The following UNC5A variants were observed in gnomAD, a reference collection of about 807,000 sequenced individuals.
The protein encoded by UNC5A is netrin receptor UNC5A.
UNC5A carries 20 observed loss-of-function variants against 87.4 expected under a neutral mutation model. The observed-to-expected ratio is 0.23, with a 90% CI of 0.16 to 0.33. The LOEUF (loss-of-function observed/expected upper bound fraction) is 0.33, where lower values mean the gene tolerates loss of function less well. UNC5A is among the 10% of genes least tolerant of loss of function. The pLI is 1.00. For synonymous variants in UNC5A, 438 were observed against 482.3 expected, an observed-to-expected ratio of 0.91 and a Z score of 1.20; for missense variants, 844 against 1,133.4, an observed-to-expected ratio of 0.74 and a Z score of 3.67.
chr5:176,844,407 A>G lies in UNC5A; in HGVS notation c.71-18217A>G, dbSNP rs1247495478. Among the ~76,000 whole-genome samples the G allele has an allele frequency of 6.6e-6, 1 of 151,970 alleles. No homozygotes were observed. The highest frequency in any genetic ancestry group is 6.6e-5 in the Admixed American group (1 of 15,212). ...CTCCTGGGCCTTCCCTGTGCCAGGG[A>G]AGGAGAGGCCAGGGGAAGTTTATGT... On this transcript the variant is annotated intron_variant, in intron 1 of 14. Coordinates refer to ENST00000329542, the MANE Select transcript of UNC5A (RefSeq NM_133369.3). This position sits in a 1 kb window ranked among gnomAD's most constrained non-coding sequence, Gnocchi z 4.2.
At chr5:176,819,545 A>G (rs886654205) in intron 1 of UNC5A, among the ~76,000 whole-genome samples, 16 of 152,030 alleles carry the variant, frequency 1.1e-4, no homozygotes, top group African/African-American at 3.9e-4. Flanking sequence ...CCTCTATCCC[A>G]AGGTGGCTGC....
chr5:176,878,314 A>C lies in UNC5A; in HGVS notation c.1940A>C (p.Asp647Ala). 6.2e-7 allele frequency: 1 copy of C among 1,613,370 alleles called. No individual in the cohort carries two copies. Among genetic ancestry groups the C allele is most frequent in the Non-Finnish European group, 8.5e-7 (1 of 1,180,012 alleles). Residue 647 changes from aspartate to alanine, a missense_variant, in exon 12 of 15, where the codon GAC (aspartate) becomes GCC (alanine). Physicochemically the swap from Asp to Ala is moderately radical, Grantham distance 126 (BLOSUM62 -2). This residue lies in a region of UNC5A where 177 missense variants were observed against 279.4 expected (regional missense o/e 0.63). Coordinates refer to ENST00000329542, the MANE Select transcript of UNC5A (RefSeq NM_133369.3). ...GAGCCACGGGTCCTGCACTTCAAGG[A>C]CAGTTACCACAACCTGCGCCTATCC... Reference protein sequence around the residue: ...IQEPRVLHFKDSYHNLRLSIH... With the variant: ...IQEPRVLHFKASYHNLRLSIH...
chr5:176,868,341 A>G, intron 3 of UNC5A, 68 bp downstream of exon 3: 1 of 1,597,350 alleles, frequency 6.3e-7, no homozygotes, highest in Non-Finnish European at 8.5e-7. Flanking sequence ...AGGGGACAGT[A>G]GGCTTCCTGG....
chr5:176,839,398 A>T (rs904538086), intron 1 of UNC5A, among the ~76,000 whole-genome samples: 5 of 152,356 alleles, frequency 3.3e-5, no homozygotes, highest in South Asian at 4.1e-4. Flanking sequence ...GAGAGTGGAC[A>T]TGCCTCCCAG....
At chr5:176,857,477 G>A (rs1757694878) in intron 1 of UNC5A, among the ~76,000 whole-genome samples, 1 of 151,820 alleles carries the variant, frequency 6.6e-6, no homozygotes, top group Non-Finnish European at 1.5e-5. Flanking sequence ...ACCCCCGTTG[G>A]CCCCCAGCCT....
At chr5:176,862,602 T>C (rs768593693) in intron 1 of UNC5A, 22 bp from the exon 2 acceptor site, 2 of 1,610,890 alleles carry the variant, frequency 1.2e-6, no homozygotes, top group Admixed American at 1.7e-5. Flanking sequence ...CTGGCTCACC[T>C]TCCCCCTCTG....
chr5:176,877,291 G>A lies in UNC5A; in HGVS notation c.1466+12G>A. The A allele has an allele frequency of 2.5e-6, 4 of 1,609,164 alleles. No homozygotes were observed. The highest frequency in any genetic ancestry group is 1.1e-5 in the South Asian group (1 of 90,924). Reference sequence around the variant, plus strand: ...CCGGAAGACGTGAGGTGTGGCCGCGGGCCCTGTTGCCGGGGGTGGGAGGGA... The same window carrying A: ...CCGGAAGACGTGAGGTGTGGCCGCGAGCCCTGTTGCCGGGGGTGGGAGGGA... On this transcript the variant is annotated intron_variant, in intron 9 of 14. Transcript: ENST00000329542.
chr5:176,818,777 A>G (rs1039345542), intron 1 of UNC5A, among the ~76,000 whole-genome samples: 2 of 152,172 alleles, frequency 1.3e-5, no homozygotes, highest in African/African-American at 4.8e-5. Context: ...GTGTGGCCTC[A>G]AGTGAACTCC....
intron 1 of UNC5A, among the ~76,000 whole-genome samples, chr5:176,847,700 C>G (rs892714875): frequency 6.6e-6 from 1 of 151,962 alleles, no homozygotes; most frequent in African/African-American, 2.4e-5. Flanking sequence ...CAGAGAGACT[C>G]GGGGGGGCCC....
At chr5:176,850,500 C>T (rs1561654749) in intron 1 of UNC5A, among the ~76,000 whole-genome samples, 2 of 152,028 alleles carry the variant, frequency 1.3e-5, no homozygotes, top group Non-Finnish European at 1.5e-5. Flanking sequence ...GAGGTGGGGG[C>T]CCTGCTGACT....
Position 176,838,697 on chromosome 5 carries a change from T to C in UNC5A, c.71-23927T>C, listed in dbSNP as rs1757200543. 6.6e-6 allele frequency among the ~76,000 whole-genome samples: 1 copy of C among 152,208 alleles called. No individual in the cohort carries two copies. The highest frequency in any genetic ancestry group is 6.5e-5 in the Admixed American group (1 of 15,278). On this transcript the variant is annotated intron_variant, in intron 1 of 14. Transcript: ENST00000329542. This position sits in a 1 kb window ranked among gnomAD's most constrained non-coding sequence, Gnocchi z 4.2. ...CCCTAACATCTCTACACTCTCCCTG[T>C]CTTGGTACTGGGATGACTGCAGCAG...
At chr5:176,854,075 GA>G (rs1349029265) in intron 1 of UNC5A, among the ~76,000 whole-genome samples, 1 of 152,160 alleles carries the variant, frequency 6.6e-6, no homozygotes, top group Non-Finnish European at 1.5e-5. Flanking sequence ...GGCTTTGAAA[GA>G]ATTCAGAGGC....
chr5:176,820,663 C>G (rs1397759402), intron 1 of UNC5A, among the ~76,000 whole-genome samples: 2 of 152,214 alleles, frequency 1.3e-5, no homozygotes, highest in Non-Finnish European at 2.9e-5. Flanking sequence ...ACGGTCCCTC[C>G]TTCCTTTGGT....
At chr5:176,816,122 C>CCT (rs1756580111) in intron 1 of UNC5A, among the ~76,000 whole-genome samples, 1 of 152,228 alleles carries the variant, frequency 6.6e-6, no homozygotes, top group Non-Finnish European at 1.5e-5. Flanking sequence ...GTAGTATACC[C>CCT]AATGATGCCT....
chr5:176,862,224 C>G (rs1297644913), intron 1 of UNC5A, among the ~76,000 whole-genome samples: 3 of 152,330 alleles, frequency 2.0e-5, no homozygotes, highest in Admixed American at 1.3e-4. Context: ...TGCTCCCTCC[C>G]TCGCCCCAGG....
At chr5:176,859,707 T>C (rs504707) in intron 1 of UNC5A, among the ~76,000 whole-genome samples, 3 of 58,206 alleles carry the variant, frequency 5.2e-5, no homozygotes, top group African/African-American at 9.6e-5. Flanking sequence ...TGCTAGAATG[T>C]CCTTGCTAGA....
intron 1 of UNC5A, among the ~76,000 whole-genome samples, chr5:176,852,799 C>T (rs192084263): frequency 4.6e-5 from 7 of 152,340 alleles, no homozygotes; most frequent in African/African-American, 1.4e-4. Context: ...TGGGAAGGCC[C>T]AAGCCAGTTC....
At position 176,838,164 on chromosome 5, in the gene UNC5A, T is replaced by C. The variant is rs1284334474; in HGVS notation, c.71-24460T>C. On this transcript the variant is annotated intron_variant, in intron 1 of 14. Coordinates refer to ENST00000329542, the MANE Select transcript of UNC5A (RefSeq NM_133369.3). The surrounding 1 kb of genome is among the most constrained non-coding windows in gnomAD (Gnocchi z 4.2). The stretch of plus-strand genomic sequence containing the variant: ...TCATGAAGTGTGAACAATTTATTAT[T>C]TCTTGCAAACCTGATTCTACTGCTT... Among the ~76,000 whole-genome samples, 1 of 152,196 alleles carries C rather than the reference T, an allele frequency of 6.6e-6. No homozygotes were observed. The highest frequency in any genetic ancestry group is 1.5e-5 in the Non-Finnish European group (1 of 68,028).
intron 13 of UNC5A, 101 bp from the exon 14 acceptor site, chr5:176,879,209 C>T (rs1581283654): frequency 1.4e-6 from 2 of 1,397,834 alleles, no homozygotes; most frequent in East Asian, 2.4e-5. Flanking sequence ...CATGCCGCCC[C>T]CATGCTCTGG....
Sources: gnomAD v4.1 joint callset for allele counts (sites outside exome capture counted in the v4.1 genomes callset) on GRCh38, gnomAD v4.1.1 for gene constraint, gnomAD v4.1.1 regional missense constraint, Gnocchi (gnomAD v3.1) non-coding constraint, MANE v1.5 for transcripts, NCBI Gene and HGNC (gene_info 2026-07-23, HGNC 2026-07-21) for gene names.